The following RGL1 variants were observed in gnomAD, a reference collection of about 807,000 sequenced individuals.
RGL1 encodes the protein ral guanine nucleotide dissociation stimulator like 1, also known as ral guanine nucleotide dissociation stimulator-like 1.
In RGL1, 24 loss-of-function variants were observed where a neutral mutation model predicts 95.2. The ratio of observed to expected loss-of-function variants is 0.25; its 90% confidence interval spans 0.18 to 0.35. The LOEUF (loss-of-function observed/expected upper bound fraction) is 0.35, where lower values mean the gene tolerates loss of function less well. Among genes scored for constraint, RGL1 ranks in the 10% least tolerant of loss-of-function variants. The pLI is 1.00. For missense variants in RGL1, 715 were observed against 936.3 expected, an observed-to-expected ratio of 0.76 and a Z score of 3.08; for synonymous variants, 329 against 344.9, an observed-to-expected ratio of 0.95 and a Z score of 0.51.
intron 10 of RGL1, among the ~76,000 whole-genome samples, chr1:183,898,903 T>C (rs1388478807): frequency 6.6e-6 from 1 of 152,176 alleles, no homozygotes; most frequent in Non-Finnish European, 1.5e-5. Context: ...TTTGAGGCTT[T>C]GTGTTCTGCC....
At chr1:183,704,182 T>A (rs902769942) in intron 1 of RGL1, among the ~76,000 whole-genome samples, 1 of 151,940 alleles carries the variant, frequency 6.6e-6, no homozygotes, top group Admixed American at 6.6e-5. Context: ...TCGTATGGAG[T>A]TTGGTGGCCT....
intron 14 of RGL1, among the ~76,000 whole-genome samples, chr1:183,911,415 T>C (rs1668634221): frequency 6.6e-6 from 1 of 152,192 alleles, no homozygotes; most frequent in African/African-American, 2.4e-5. Flanking sequence ...TCACCATTCA[T>C]AAACAGAAAC....
At chr1:183,904,376 G>A (rs535608814) in intron 12 of RGL1, among the ~76,000 whole-genome samples, 2 of 152,138 alleles carry the variant, frequency 1.3e-5, no homozygotes, top group Admixed American at 6.5e-5. Context: ...GAGGGGTAAA[G>A]GTTGAGGAAG....
intron 2 of RGL1, among the ~76,000 whole-genome samples, chr1:183,770,004 A>T (rs1659194475): frequency 1.3e-5 from 2 of 152,230 alleles, no homozygotes; most frequent in African/African-American, 4.8e-5. Flanking sequence ...ATTACAAAAG[A>T]TCAGTTTATA....
intron 4 of RGL1, among the ~76,000 whole-genome samples, chr1:183,872,570 C>G (rs1417804933): frequency 6.6e-6 from 1 of 152,170 alleles, no homozygotes; most frequent in Non-Finnish European, 1.5e-5. Flanking sequence ...TTCTTGTAAT[C>G]TTTTCCCAGA....
intron 1 of RGL1, among the ~76,000 whole-genome samples, chr1:183,664,971 G>T (rs545019138): frequency 1.3e-5 from 2 of 152,144 alleles, no homozygotes; most frequent in Non-Finnish European, 2.9e-5. Context: ...GATCTTAGTG[G>T]GAAAGCTTTA....
upstream of RGL1, among the ~76,000 whole-genome samples, chr1:183,800,435 T>G (rs1405303534): frequency 6.6e-6 from 1 of 152,178 alleles, no homozygotes; most frequent in Non-Finnish European, 1.5e-5. Flanking sequence ...ACCTCTTTCC[T>G]CTTATATGCT....
intron 4 of RGL1, among the ~76,000 whole-genome samples, chr1:183,872,255 T>C (rs1230948891): frequency 1.3e-5 from 2 of 152,234 alleles, no homozygotes; most frequent in Non-Finnish European, 2.9e-5. Flanking sequence ...ATTAACCATA[T>C]AGAGCTTTTA....
intron 12 of RGL1, among the ~76,000 whole-genome samples, 175 bp downstream of exon 12, chr1:183,902,775 G>A (rs1006428483): frequency 2.0e-5 from 3 of 151,982 alleles, no homozygotes; most frequent in Admixed American, 1.3e-4. Context: ...AGCCTTATGA[G>A]GTAGGTTTTA....
intron 1 of RGL1, among the ~76,000 whole-genome samples, chr1:183,725,839 CT>C (rs1247147419): frequency 6.6e-6 from 1 of 152,156 alleles, no homozygotes; most frequent in Non-Finnish European, 1.5e-5. Flanking sequence ...GAACATGTCA[CT>C]TAACAAATGC....
At chr1:183,902,743 C>T in intron 12 of RGL1, 143 bp downstream of exon 12, 1 of 684,720 alleles carries the variant, frequency 1.5e-6, no homozygotes, top group Non-Finnish European at 2.4e-6. Context: ...GCTTGGCATT[C>T]TCCTATACAT....
chr1:183,791,893 C>G (rs1243226433), intron 2 of RGL1, among the ~76,000 whole-genome samples: 1 of 152,148 alleles, frequency 6.6e-6, no homozygotes, highest in African/African-American at 2.4e-5. Flanking sequence ...CATCTTGAGA[C>G]TCTTTTTAGA....
In RGL1 at chr1:183,650,973, T is replaced by G. The variant is rs528578986; in HGVS notation, c.-33+14472T>G. Among the ~76,000 whole-genome samples the G allele has an allele frequency of 9.2e-5, 14 of 152,346 alleles. No homozygotes were observed. In the South Asian group the frequency reaches 2.9e-3, roughly 32 times the overall value. On this transcript the variant is annotated intron_variant, in intron 1 of 18. Coordinates refer to the RGL1 transcript ENST00000304685. ...TATATTTGATTTTTTACCTATTTTT[T>G]GCGTGAAGTTTTCCTTATTGGTTTG...
intron 2 of RGL1, among the ~76,000 whole-genome samples, chr1:183,821,134 A>T (rs950826269): frequency 4.6e-5 from 7 of 150,564 alleles, no homozygotes. Flanking sequence ...ACTCCGTCTA[A>T]AATAATAATA....
At chr1:183,798,878 C>CTTTT (rs35765152) in intron 2 of RGL1, among the ~76,000 whole-genome samples, 3 of 88,182 alleles carry the variant, frequency 3.4e-5, no homozygotes, top group Non-Finnish European at 6.6e-5. Context: ...GCAGGATTTC[C>CTTTT]TTTTTTTTTT....
chr1:183,924,617 G>C (rs1669506291), intron 17 of RGL1, among the ~76,000 whole-genome samples: 1 of 151,950 alleles, frequency 6.6e-6, no homozygotes, highest in Non-Finnish European at 1.5e-5. Flanking sequence ...AGACCTTAAA[G>C]TATAGTAAAA....
chr1:183,803,551 A>G (rs1661106291), upstream of RGL1, among the ~76,000 whole-genome samples: 1 of 152,198 alleles, frequency 6.6e-6, no homozygotes, highest in Non-Finnish European at 1.5e-5. Context: ...CTGAAACCTG[A>G]GTGGGGCCTT....
At chr1:183,799,434 A>C (rs191832980) in intron 2 of RGL1, among the ~76,000 whole-genome samples, 1 of 152,278 alleles carries the variant, frequency 6.6e-6, no homozygotes, top group Non-Finnish European at 1.5e-5. Context: ...CAACAATAGC[A>C]TATCAGGGTT....
chr1:183,721,451 C>A (rs1656008555), intron 1 of RGL1, among the ~76,000 whole-genome samples: 1 of 152,212 alleles, frequency 6.6e-6, no homozygotes, highest in South Asian at 2.1e-4. Flanking sequence ...GATTTCTTAA[C>A]TTCAAGCACA....
Sources: gnomAD v4.1 joint callset for allele counts (sites outside exome capture counted in the v4.1 genomes callset) on GRCh38, gnomAD v4.1.1 for gene constraint, MANE v1.5 for transcripts, NCBI Gene and HGNC (gene_info 2026-07-23, HGNC 2026-07-21) for gene names.